Variants in ITGA8 observed in about 807,000 individuals in gnomAD.
ITGA8 encodes the protein integrin subunit alpha 8.
In ITGA8, 91 loss-of-function variants were observed where a neutral mutation model predicts 142.3. The ratio of observed to expected loss-of-function variants is 0.64; its 90% CI spans 0.54 to 0.76. ITGA8 has a LOEUF of 0.76. ITGA8 is among the 30% of genes least tolerant of loss of function. The probability of loss-of-function intolerance (pLI) is 0.00; values close to 1 mark genes in which losing one functional copy is unlikely to be tolerated. For missense variants in ITGA8, 1,406 were observed against 1,327.7 expected, an observed-to-expected ratio of 1.06 and a Z score of -0.92; for synonymous variants, 505 against 485.2, an observed-to-expected ratio of 1.04 and a Z score of -0.54.
At chr10:15,631,508 T>C (rs1177674260) in intron 13 of ITGA8, among the ~76,000 whole-genome samples, 1 of 150,582 alleles carries the variant, frequency 6.6e-6, no homozygotes, top group Non-Finnish European at 1.5e-5. Flanking sequence ...AAAGTGGGAG[T>C]TGAACAATGA....
At chr10:15,649,978 C>A (rs538149738) in intron 11 of ITGA8, among the ~76,000 whole-genome samples, 11 of 152,256 alleles carry the variant, frequency 7.2e-5, no homozygotes, top group South Asian at 2.1e-4. Context: ...GATATACATA[C>A]AAAAATATGC....
intron 10 of ITGA8, among the ~76,000 whole-genome samples, chr10:15,657,510 A>ATTTTTT (rs34510305): frequency 1.5e-5 from 2 of 132,516 alleles, no homozygotes; most frequent in South Asian, 2.3e-4. Context: ...CTTTTCTTTC[A>ATTTTTT]TTTTTTTTTT....
chr10:15,565,713 C>T lies in ITGA8; in HGVS notation c.2637+6498G>A, dbSNP rs901364319. Among the ~76,000 whole-genome samples, 9 of 150,130 alleles carry T rather than the reference C, an allele frequency of 6.0e-5. No homozygotes were observed. In the East Asian group the frequency reaches 1.8e-3, roughly 30 times the overall value. ...CAAGCGATTCTCCTGCCTCAGCCTC[C>T]TGAGTAGCTGGGATTGCAGGCACCC... On this transcript the variant is annotated intron_variant, in intron 25 of 29. Transcript: ENST00000378076.
At chr10:15,528,481 A>AAATCACCT (rs1383950649) in intron 28 of ITGA8, among the ~76,000 whole-genome samples, 3 of 151,450 alleles carry the variant, frequency 2.0e-5, no homozygotes, top group African/African-American at 7.3e-5. Flanking sequence ...CTGATGTGGT[A>AAATCACCT]AATCACCTAC....
intron 8 of ITGA8, among the ~76,000 whole-genome samples, chr10:15,664,210 T>C (rs1431161408): frequency 6.6e-6 from 1 of 152,140 alleles, no homozygotes; most frequent in East Asian, 1.9e-4. Context: ...GTCACAGAGA[T>C]AGTAAGAAGT....
intron 22 of ITGA8, among the ~76,000 whole-genome samples, chr10:15,590,561 G>A (rs1226973330): frequency 6.6e-6 from 1 of 152,222 alleles, no homozygotes; most frequent in Non-Finnish European, 1.5e-5. Flanking sequence ...CACAGACAAT[G>A]ATGCAGAGGA....
chr10:15,572,315 G>A lies in ITGA8; in HGVS notation c.2533C>T (p.Pro845Ser). Reference sequence around the variant, plus strand: ...AGAAATTCATCCCGGGCAGAGAAAGGCCAGCCCACCTCCAGGATGGTGTCA... The same window carrying A: ...AGAAATTCATCCCGGGCAGAGAAAGACCAGCCCACCTCCAGGATGGTGTCA... ...ISDTILEVGW[P>S]FSARDEFLLY... The change falls in exon 25 of 30, where the codon CCT becomes TCT. Residue 845 changes from proline to serine, a missense_variant. By Grantham distance (74) the Pro-to-Ser change is moderately conservative. Coordinates refer to ENST00000378076, the MANE Select transcript of ITGA8 (RefSeq NM_003638.3). 1 of 1,614,030 alleles carries A rather than the reference G, an allele frequency of 6.2e-7. No individual in the cohort carries two copies. Among genetic ancestry groups the A allele is most frequent in the Non-Finnish European group, 8.5e-7 (1 of 1,179,958 alleles).
chr10:15,548,308 G>C, intron 27 of ITGA8, 147 bp downstream of exon 27: 1 of 621,788 alleles, frequency 1.6e-6, no homozygotes, highest in East Asian at 3.3e-5. Context: ...GGCCAGGCTT[G>C]TCTCGAGCTC....
chr10:15,537,512 C>A (rs1833470203), intron 27 of ITGA8, among the ~76,000 whole-genome samples: 1 of 152,150 alleles, frequency 6.6e-6, no homozygotes, highest in Non-Finnish European at 1.5e-5. Context: ...TTTCCAAAGC[C>A]ACTCAATTAC....
chr10:15,608,210 A>C (rs767757343), intron 16 of ITGA8, 25 bp downstream of exon 16: 36 of 1,536,580 alleles, frequency 2.3e-5, no homozygotes, highest in Non-Finnish European at 3.2e-5. Context: ...ATACCATAAG[A>C]ATGTAAAAAT....
chr10:15,681,831 A>T (rs1834743205), intron 4 of ITGA8, among the ~76,000 whole-genome samples: 1 of 152,236 alleles, frequency 6.6e-6, no homozygotes, highest in South Asian at 2.1e-4. Context: ...CAAATCATGG[A>T]GTATAGGATA....
chr10:15,670,077 G>C (rs141441330), intron 8 of ITGA8, among the ~76,000 whole-genome samples: 63 of 152,276 alleles, frequency 4.1e-4, no homozygotes, highest in African/African-American at 1.4e-3. Flanking sequence ...CTTCTGCGTC[G>C]CTCATGCTGG....
intron 26 of ITGA8, among the ~76,000 whole-genome samples, chr10:15,554,823 C>T (rs939578597): frequency 3.3e-5 from 5 of 151,442 alleles, no homozygotes; most frequent in South Asian, 4.2e-4. Flanking sequence ...GACTGGGAGG[C>T]CTCAGGAAAC....
intron 2 of ITGA8, among the ~76,000 whole-genome samples, chr10:15,701,697 A>T (rs182857462): frequency 1.3e-5 from 2 of 152,344 alleles, no homozygotes; most frequent in Admixed American, 6.5e-5. Flanking sequence ...AGACAGGATA[A>T]TTTTTGAAAA....
chr10:15,557,950 C>T (rs781490545), intron 26 of ITGA8, 124 bp downstream of exon 26: 63 of 1,197,928 alleles, frequency 5.3e-5, no homozygotes, highest in Non-Finnish European at 6.8e-5. Context: ...CACTGCCAAA[C>T]GTTAGGAATA....
chr10:15,711,351 ATATCAGACCCTCC>A (rs976688476), intron 2 of ITGA8, among the ~76,000 whole-genome samples: 3 of 152,064 alleles, frequency 2.0e-5, no homozygotes, highest in Non-Finnish European at 4.4e-5. Context: ...AGGTGTTGTT[ATATCAGACCCTCC>A]CATAGCCTAA....
At chr10:15,532,395 C>A (rs370206199) in intron 27 of ITGA8, among the ~76,000 whole-genome samples, 7 of 117,124 alleles carry the variant, frequency 6.0e-5, no homozygotes, top group African/African-American at 6.7e-5. Flanking sequence ...CTCCAGCCTG[C>A]GCAACCGAGT....
chr10:15,589,388 C>T (rs1388996831), intron 22 of ITGA8, among the ~76,000 whole-genome samples: 2 of 152,048 alleles, frequency 1.3e-5, no homozygotes, highest in African/African-American at 4.8e-5. Flanking sequence ...ATCTGAGACC[C>T]GTTGTACACA....
At chr10:15,594,122 G>A (rs1202789483) in intron 21 of ITGA8, among the ~76,000 whole-genome samples, 1 of 152,028 alleles carries the variant, frequency 6.6e-6, no homozygotes, top group East Asian at 1.9e-4. Flanking sequence ...TTACAGGTGT[G>A]AGCCAAAGGG....
Sources: gnomAD v4.1 joint callset for allele counts (sites outside exome capture counted in the v4.1 genomes callset) on GRCh38, gnomAD v4.1.1 for gene constraint, MANE v1.5 for transcripts, NCBI Gene and HGNC (gene_info 2026-07-23, HGNC 2026-07-21) for gene names.